TSPAN18: variants seen among roughly 807,000 people sequenced by gnomAD.
The protein encoded by TSPAN18 is tetraspanin 18.
Under a neutral mutation model 27.3 loss-of-function variants are expected in TSPAN18, and 14 were observed. That is an observed-to-expected ratio of 0.51 (90% CI 0.34 to 0.80). The LOEUF (loss-of-function observed/expected upper bound fraction) is 0.80. TSPAN18 is among the 30% of genes least tolerant of loss of function. The pLI, the probability that TSPAN18 is intolerant of heterozygous loss-of-function variation, is 0.01. For synonymous variants in TSPAN18, 143 were observed against 136.5 expected, an observed-to-expected ratio of 1.05 and a Z score of -0.33; for missense variants, 268 against 323.9, an observed-to-expected ratio of 0.83 and a Z score of 1.32.
chr11:44,871,954 C>T (rs1469176170), intron 3 of TSPAN18, among the ~76,000 whole-genome samples: 2 of 152,008 alleles, frequency 1.3e-5, no homozygotes, highest in East Asian at 1.9e-4. Flanking sequence ...GACAGAGTCT[C>T]GCTGTGTCAC....
chr11:44,761,282 C>T (rs563727417), intron 1 of TSPAN18, among the ~76,000 whole-genome samples: 11 of 152,322 alleles, frequency 7.2e-5, no homozygotes, highest in African/African-American at 2.4e-4. Context: ...CACTCTGCCA[C>T]TTGCACCCAG....
rs557944158 is a variant in TSPAN18 at position 44,863,307 on chromosome 11, G to C, written c.-11+2838G>C. ...AGGCTTGAAAGACTGTGCCAGGCAG[G>C]AAGCCAGATGAACTCGGTTAGCCTT... On this transcript the variant is annotated intron_variant, in intron 3 of 9. Coordinates refer to ENST00000520358, the MANE Select transcript of TSPAN18 (RefSeq NM_130783.5). Among the ~76,000 whole-genome samples the C allele has an allele frequency of 2.0e-5, 3 of 152,356 alleles. No individual in the cohort carries two copies. In the South Asian group the frequency reaches 6.2e-4, roughly 32 times the overall value.
At chr11:44,919,450 A>G (rs920810466) in intron 7 of TSPAN18, 138 bp downstream of exon 7, 11 of 769,290 alleles carry the variant, frequency 1.4e-5, no homozygotes, top group Non-Finnish European at 2.2e-5. Flanking sequence ...CCATCCACGC[A>G]GCATTCCAGG....
intron 2 of TSPAN18, among the ~76,000 whole-genome samples, chr11:44,804,698 G>T (rs889018997): frequency 2.0e-5 from 3 of 151,352 alleles, no homozygotes; most frequent in African/African-American, 4.9e-5. Context: ...GCTTGCAGGG[G>T]TGTGTTTATC....
At chr11:44,740,914 A>G (rs1369665965) in intron 1 of TSPAN18, among the ~76,000 whole-genome samples, 2 of 152,162 alleles carry the variant, frequency 1.3e-5, no homozygotes, top group Admixed American at 6.5e-5. Flanking sequence ...AGTAGCTGGG[A>G]CTATAAACGT....
chr11:44,865,862 C>A (rs1255394999), intron 3 of TSPAN18, among the ~76,000 whole-genome samples: 1 of 152,182 alleles, frequency 6.6e-6, no homozygotes, highest in Non-Finnish European at 1.5e-5. Flanking sequence ...GCTTCCCCAG[C>A]ACTGTTTGCT....
At chr11:44,889,967 G>A (rs545182442) in intron 3 of TSPAN18, among the ~76,000 whole-genome samples, 13 of 152,328 alleles carry the variant, frequency 8.5e-5, no homozygotes, top group South Asian at 2.1e-4. Flanking sequence ...GACCCAGAAT[G>A]GCTGGGGCTG....
chr11:44,868,220 ACTCT>A (rs34341470), intron 3 of TSPAN18, among the ~76,000 whole-genome samples: 1 of 151,950 alleles, frequency 6.6e-6, no homozygotes, highest in South Asian at 2.1e-4. Flanking sequence ...ATCTGCCGTC[ACTCT>A]CTGTCTGAGT....
At chr11:44,799,452 C>A (rs1001583028) in intron 2 of TSPAN18, among the ~76,000 whole-genome samples, 2 of 152,186 alleles carry the variant, frequency 1.3e-5, no homozygotes, top group Non-Finnish European at 2.9e-5. Context: ...CTCTTCTCAG[C>A]CCCCATTCAA....
chr11:44,856,372 C>T (rs1440635668), intron 2 of TSPAN18, among the ~76,000 whole-genome samples: 1 of 152,198 alleles, frequency 6.6e-6, no homozygotes, highest in East Asian at 1.9e-4. Context: ...ATGGTCTTGG[C>T]TCATGGTCTT....
chr11:44,825,744 C>T (rs899057535), intron 2 of TSPAN18, among the ~76,000 whole-genome samples: 2 of 152,132 alleles, frequency 1.3e-5, no homozygotes, highest in East Asian at 3.9e-4. Context: ...ACACCCAGGG[C>T]CTGTTTTCTT....
intron 2 of TSPAN18, among the ~76,000 whole-genome samples, chr11:44,799,117 G>A (rs1411093765): frequency 6.6e-6 from 1 of 151,860 alleles, no homozygotes; most frequent in Non-Finnish European, 1.5e-5. Context: ...GCCACTGTGG[G>A]GGCCATCGGT....
At chr11:44,790,181 G>T (rs375270746) in intron 2 of TSPAN18, among the ~76,000 whole-genome samples, 1 of 150,874 alleles carries the variant, frequency 6.6e-6, no homozygotes, top group South Asian at 2.1e-4. Flanking sequence ...GTGTGTGTGC[G>T]CATATGTGTG....
At chr11:44,790,050 C>G (rs941317076) in intron 2 of TSPAN18, among the ~76,000 whole-genome samples, 1 of 152,212 alleles carries the variant, frequency 6.6e-6, no homozygotes, top group East Asian at 1.9e-4. Flanking sequence ...GAGTCTGAGA[C>G]CTCAGACATC....
At chr11:44,777,189 G>A (rs1028406716) in intron 2 of TSPAN18, among the ~76,000 whole-genome samples, 8 of 152,308 alleles carry the variant, frequency 5.3e-5, no homozygotes, top group Admixed American at 1.3e-4. Flanking sequence ...GAACTTTTGT[G>A]CTCCCCCATA....
At chr11:44,798,029 A>G (rs1207856371) in intron 2 of TSPAN18, among the ~76,000 whole-genome samples, 1 of 152,160 alleles carries the variant, frequency 6.6e-6, no homozygotes, top group Non-Finnish European at 1.5e-5. Flanking sequence ...TTCATGGACC[A>G]CAGTGCCTTT....
chr11:44,876,807 A>G (rs967302679), intron 3 of TSPAN18, among the ~76,000 whole-genome samples: 1 of 152,218 alleles, frequency 6.6e-6, no homozygotes, highest in Non-Finnish European at 1.5e-5. Context: ...CATGATTGGG[A>G]AAGTGGCTTG....
intron 2 of TSPAN18, among the ~76,000 whole-genome samples, chr11:44,834,487 C>T (rs865881259): frequency 1.3e-5 from 2 of 151,566 alleles, no homozygotes; most frequent in South Asian, 2.1e-4. Flanking sequence ...ATTTTTTTTT[C>T]CACTTTGATG....
At chr11:44,826,882 C>CT (rs1857054207) in intron 2 of TSPAN18, among the ~76,000 whole-genome samples, 1 of 152,174 alleles carries the variant, frequency 6.6e-6, no homozygotes, top group Non-Finnish European at 1.5e-5. Flanking sequence ...GTCATTTCTC[C>CT]TTTATACACT....
Sources: allele counts gnomAD v4.1 joint callset (sites outside exome capture counted in the v4.1 genomes callset), GRCh38; gene constraint gnomAD v4.1.1; transcripts MANE v1.5; gene names NCBI Gene and HGNC (gene_info 2026-07-23, HGNC 2026-07-21).